SLCO3A1: variants seen among roughly 807,000 people sequenced by gnomAD.
The protein encoded by SLCO3A1 is PGE1 transporter.
Under a neutral mutation model 63.1 loss-of-function variants are expected in SLCO3A1, and 27 were observed. The observed-to-expected ratio is 0.43, with a 90% CI of 0.32 to 0.59. The LOEUF is 0.59. Among genes scored for constraint, SLCO3A1 ranks in the 20% least tolerant of loss-of-function variants. SLCO3A1 has a pLI of 0.09. For missense variants in SLCO3A1, 773 were observed against 945.8 expected, an observed-to-expected ratio of 0.82 and a Z score of 2.40; for synonymous variants, 473 against 409.9, an observed-to-expected ratio of 1.15 and a Z score of -1.86.
At position 92,163,777 on chromosome 15, in the gene SLCO3A1, T is replaced by G; in HGVS notation, c.*642T>G. 4 of 985,452 alleles carry G rather than the reference T, an allele frequency of 4.1e-6. No individual in the cohort carries two copies. The highest frequency in any genetic ancestry group is 4.8e-6 in the Non-Finnish European group (4 of 830,026). The allele number at this position is 985,452 out of a possible 1,614,324, so 61.0% of individuals were successfully genotyped here. On this transcript the variant is annotated 3_prime_UTR_variant, in exon 10 of 10. Transcript: ENST00000318445. Reference sequence around the variant, plus strand: ...CCCAGAGTTCTCTCAGTGATGCTAATGGGTGATCCGTGCTGGAGTTTGTAA... The same window carrying G: ...CCCAGAGTTCTCTCAGTGATGCTAAGGGGTGATCCGTGCTGGAGTTTGTAA...
chr15:92,120,883 C>A (rs1010291149), intron 5 of SLCO3A1, among the ~76,000 whole-genome samples: 5 of 151,988 alleles, frequency 3.3e-5, no homozygotes, highest in African/African-American at 1.2e-4. Flanking sequence ...GCCAGTAAGT[C>A]GATAGATGGG....
chr15:91,863,572 C>A lies in SLCO3A1; in HGVS notation c.180+9484C>A, dbSNP rs192804240. Among the ~76,000 whole-genome samples, 1 of 152,356 alleles carries A rather than the reference C, an allele frequency of 6.6e-6. No individual in the cohort carries two copies. Among genetic ancestry groups the A allele is most frequent in the East Asian group, 1.9e-4 (1 of 5,178 alleles). On this transcript the variant is annotated intron_variant, in intron 1 of 9. Coordinates refer to ENST00000318445, the MANE Select transcript of SLCO3A1 (RefSeq NM_013272.4). This position sits in a 1 kb window ranked among gnomAD's most constrained non-coding sequence, Gnocchi z 4.3. ...ATTCCAGTGTGGCACATCACACCATCCTCTTCTTGAAGCTATACATGCGTG... is the reference window on the plus strand; with the variant it reads ...ATTCCAGTGTGGCACATCACACCATACTCTTCTTGAAGCTATACATGCGTG...
Position 92,025,783 on chromosome 15 carries a change from G to T in SLCO3A1, c.647-69098G>T, listed in dbSNP as rs187532020. ...GGAAGTGTTTTGAATTCTCCCGGCC[G>T]TGAGTGGCTGCCATCTACCTTGCTG... On this transcript the variant is annotated intron_variant, in intron 2 of 9. Coordinates refer to ENST00000318445, the MANE Select transcript of SLCO3A1 (RefSeq NM_013272.4). Among the ~76,000 whole-genome samples, 493 of 152,286 alleles carry T rather than the reference G, an allele frequency of 3.2e-3. 3 individuals are homozygous for T. The highest frequency in any genetic ancestry group is 4.8e-3 in the Non-Finnish European group (324 of 68,030).
chr15:92,134,362 A>G (rs749025933), intron 7 of SLCO3A1, among the ~76,000 whole-genome samples: 29 of 152,348 alleles, frequency 1.9e-4, no homozygotes, highest in Non-Finnish European at 3.7e-4. Context: ...GACACCTGAT[A>G]TATCTCAGGC....
chr15:91,898,481 A>T (rs1213722745), intron 1 of SLCO3A1, among the ~76,000 whole-genome samples: 2 of 152,158 alleles, frequency 1.3e-5, no homozygotes, highest in African/African-American at 4.8e-5. Flanking sequence ...CTCCATTATT[A>T]TCTGGCCTCC....
intron 1 of SLCO3A1, among the ~76,000 whole-genome samples, chr15:91,873,133 C>G (rs73547378): frequency 0.041 from 6,296 of 152,318 alleles, 418 homozygotes; most frequent in African/African-American, 0.14. Context: ...AACAAGCGAT[C>G]ATTTTTCAAA....
chr15:92,106,013 C>T lies in SLCO3A1; in HGVS notation c.1009+1471C>T, dbSNP rs138651494. 2.2e-3 allele frequency among the ~76,000 whole-genome samples: 336 copies of T among 152,308 alleles called. 1 individual carries two copies. Among genetic ancestry groups the T allele is most frequent in the Non-Finnish European group, 3.6e-3 (247 of 68,028 alleles). On this transcript the variant is annotated intron_variant, in intron 4 of 9. Coordinates refer to ENST00000318445, the MANE Select transcript of SLCO3A1 (RefSeq NM_013272.4). ...CACCAGCCCTGCGATCATTAACTGC[C>T]CCCTGCTTCTTTTCCACGAATGTAA...
intron 2 of SLCO3A1, among the ~76,000 whole-genome samples, chr15:91,921,441 A>T (rs1898840524): frequency 6.6e-6 from 1 of 152,076 alleles, no homozygotes; most frequent in Non-Finnish European, 1.5e-5. Flanking sequence ...CACCAAAGAG[A>T]TTAGTACCAA....
rs1474251320 is a variant in SLCO3A1, at chr15:91,883,032, C to G, written c.180+28944C>G. Among the ~76,000 whole-genome samples, 1 of 152,196 alleles carries G rather than the reference C, an allele frequency of 6.6e-6. No homozygotes were observed. The highest frequency in any genetic ancestry group is 2.4e-5 in the African/African-American group (1 of 41,446). On this transcript the variant is annotated intron_variant, in intron 1 of 9. Transcript: ENST00000318445. The surrounding 1 kb of genome is among the most constrained non-coding windows in gnomAD (Gnocchi z 4.8). ...AGCCACCATGCAAGCCAGGCAGGCG[C>G]CATCCACTGTAAACAGAGAGGAGAA...
intron 2 of SLCO3A1, among the ~76,000 whole-genome samples, chr15:91,939,726 C>G (rs1899551871): frequency 1.3e-5 from 2 of 152,144 alleles, no homozygotes; most frequent in African/African-American, 4.8e-5. Flanking sequence ...TCAGTCTTTG[C>G]CTCCTACCCG....
rs147503956 is a variant in SLCO3A1 at position 92,020,096 on chromosome 15, C to T, written c.647-74785C>T. 5.5e-3 allele frequency among the ~76,000 whole-genome samples: 836 copies of T among 152,246 alleles called. 5 individuals are homozygous for T. The highest frequency in any genetic ancestry group is 8.6e-3 in the Non-Finnish European group (588 of 68,014). On this transcript the variant is annotated intron_variant, in intron 2 of 9. Coordinates refer to ENST00000318445, the MANE Select transcript of SLCO3A1 (RefSeq NM_013272.4). ...TTACAAGGTGGGGACAGACTTTTTT[C>T]AGTTGTTATATATCTGGGATATGAG...
chr15:92,127,307 C>G (rs931724612), intron 6 of SLCO3A1, among the ~76,000 whole-genome samples: 5 of 152,198 alleles, frequency 3.3e-5, no homozygotes, highest in African/African-American at 7.2e-5. Context: ...TGGTTAGGAG[C>G]ACAAGGTCTT....
chr15:91,857,527 A>G (rs940188981), intron 1 of SLCO3A1, among the ~76,000 whole-genome samples: 1 of 151,518 alleles, frequency 6.6e-6, no homozygotes, highest in Admixed American at 6.6e-5. Context: ...ATTTTCTTCT[A>G]CTTGGGTTTT....
At chr15:92,016,284 G>GATAGATAGA (rs1567068195) in intron 2 of SLCO3A1, among the ~76,000 whole-genome samples, 1 of 74,624 alleles carries the variant, frequency 1.3e-5, no homozygotes, top group African/African-American at 4.5e-5. Flanking sequence ...ATAGATAGAT[G>GATAGATAGA]TTATAGATAT....
Position 91,853,787 on chromosome 15 carries a change from C to G in SLCO3A1, c.-122C>G. 1 of 982,438 alleles carries G rather than the reference C, an allele frequency of 1.0e-6. No individual in the cohort carries two copies. The highest frequency in any genetic ancestry group is 1.2e-6 in the Non-Finnish European group (1 of 808,462). The allele number at this position is 982,438 out of a possible 1,614,324, so 60.9% of individuals were successfully genotyped here. Reference sequence around the variant, plus strand: ...CCCGGCAGGACGGGGGCGGCCGCCGCGAACCCGGGGCGGGGACAGCACGCA... The same window carrying G: ...CCCGGCAGGACGGGGGCGGCCGCCGGGAACCCGGGGCGGGGACAGCACGCA... On this transcript the variant is annotated 5_prime_UTR_variant, in exon 1 of 10. Transcript: ENST00000318445.
Position 91,867,754 on chromosome 15 carries a change from C to T in SLCO3A1, c.180+13666C>T, listed in dbSNP as rs190703601. ...ACTCCTCCCTGGAATAGGTAGTCAC[C>T]GGGGCCTGGGAAGGAAGGTAGCCTG... On this transcript the variant is annotated intron_variant, in intron 1 of 9. Transcript: ENST00000318445. Among the ~76,000 whole-genome samples the T allele has an allele frequency of 1.4e-4, 21 of 152,294 alleles. No individual in the cohort carries two copies. The East Asian group carries it at 2.9e-3, about 21-fold the overall frequency.
rs960482387 is a variant in SLCO3A1, at chr15:91,854,391, C to CG, written c.180+303_180+304insG. ...GGGCGTGAAACTATTCCTCTCCCCC[C>CG]ATAAGAGCGGAGCGAGACGGTGAGT... On this transcript the variant is annotated intron_variant, in intron 1 of 9. Coordinates refer to ENST00000318445, the MANE Select transcript of SLCO3A1 (RefSeq NM_013272.4). The surrounding 1 kb of genome is among the most constrained non-coding windows in gnomAD (Gnocchi z 6.4). 4.4e-5 allele frequency: 46 copies of CG among 1,053,824 alleles called. No homozygotes were observed. Among genetic ancestry groups the CG allele is most frequent in the Non-Finnish European group, 4.9e-5 (43 of 871,866 alleles). The allele number at this position is 1,053,824 out of a possible 1,614,324, so 65.3% of individuals were successfully genotyped here.
At chr15:91,998,026 A>AAAGAAACTATCAAT (rs2046212064) in intron 2 of SLCO3A1, among the ~76,000 whole-genome samples, 1 of 152,258 alleles carries the variant, frequency 6.6e-6, no homozygotes, top group Non-Finnish European at 1.5e-5. Context: ...CTACATAACA[A>AAAGAAACTATCAAT]AAGAAACTAT....
chr15:91,868,508 A>G (rs75185806), intron 1 of SLCO3A1, among the ~76,000 whole-genome samples: 1,971 of 152,226 alleles, frequency 0.013, 18 homozygotes, highest in Non-Finnish European at 0.02. Context: ...AACTGTAAAC[A>G]TTTTGGCGTG....
Sources: allele counts gnomAD v4.1 joint callset (sites outside exome capture counted in the v4.1 genomes callset), GRCh38; gene constraint gnomAD v4.1.1; non-coding constraint Gnocchi (gnomAD v3.1); transcripts MANE v1.5; gene names NCBI Gene and HGNC (gene_info 2026-07-23, HGNC 2026-07-21).